The following COG2 variants were observed in gnomAD, a reference collection of about 807,000 sequenced individuals.
The protein encoded by COG2 is conserved oligomeric Golgi complex subunit 2.
COG2 carries 52 observed loss-of-function variants against 90.6 expected under a neutral mutation model. The ratio of observed to expected loss-of-function variants is 0.57; its 90% CI spans 0.46 to 0.72. The LOEUF is 0.72. Ranked by LOEUF, COG2 falls within the 30% of genes least tolerant of loss-of-function variation. The probability of loss-of-function intolerance (pLI) is 0.00; values close to 1 mark genes in which losing one functional copy is unlikely to be tolerated. For missense variants in COG2, 829 were observed against 891.2 expected (o/e 0.93, Z 0.89); for synonymous variants, 337 against 320.4 (o/e 1.05, Z -0.55).
At chr1:230,684,995 T>C in intron 11 of COG2, 90 bp from the exon 12 acceptor site, 1 of 1,460,424 alleles carries the variant, frequency 6.8e-7, no homozygotes, top group African/African-American at 1.4e-5. Flanking sequence ...TTCTTTACCT[T>C]TGAATCGTAC....
intron 1 of COG2, among the ~76,000 whole-genome samples, chr1:230,655,991 C>A (rs1363547808): frequency 6.6e-6 from 1 of 152,020 alleles, no homozygotes; most frequent in Non-Finnish European, 1.5e-5. Context: ...TCTTGCTTTT[C>A]TTCTTTATTA....
intron 7 of COG2, chr1:230,671,045 C>T (rs1662436254): frequency 6.6e-6 from 1 of 151,970 alleles, no homozygotes; most frequent in East Asian, 1.9e-4. Context: ...TTAAACTCAG[C>T]TTATCTTGTC....
chr1:230,671,536 T>C lies in COG2; in HGVS notation c.795T>C (p.Val265=). 1.2e-6 allele frequency: 2 copies of C among 1,613,264 alleles called. No homozygotes were observed. The highest frequency in any genetic ancestry group is 1.7e-4 in the Middle Eastern group (1 of 6,052). ...AATAGGTGATTATAGAGCAGTTTGT[T>C]GAATCTCATCCCAATGGCCTTCAGG... ...YIDEVIIEQF[V]ESHPNGLQVM... is the part of the protein sequence containing the mutation. The change falls in exon 8 of 18, where the codon GTT becomes GTC. Residue 265 remains valine, a synonymous_variant. Coordinates refer to ENST00000366669, the MANE Select transcript of COG2 (RefSeq NM_007357.3).
chr1:230,683,150 T>C (rs1481060048), intron 10 of COG2: 1 of 160,500 alleles, frequency 6.2e-6, no homozygotes, highest in African/African-American at 2.4e-5. Flanking sequence ...AGGTACAGAA[T>C]GCAGCTTTCT....
intron 5 of COG2, among the ~76,000 whole-genome samples, chr1:230,665,922 TC>T (rs1439393948): frequency 6.6e-6 from 1 of 152,186 alleles, no homozygotes; most frequent in African/African-American, 2.4e-5. Context: ...CCTACTCTGT[TC>T]CTTTGATGGA....
At chr1:230,693,017 A>AT (rs936607593) in intron 17 of COG2, among the ~76,000 whole-genome samples, 1 of 151,814 alleles carries the variant, frequency 6.6e-6, no homozygotes, top group Admixed American at 6.6e-5. Context: ...CTTTTCTAGA[A>AT]TGTTTTTAGG....
intron 9 of COG2, 61 bp downstream of exon 9, chr1:230,675,185 A>G: frequency 6.4e-7 from 1 of 1,557,516 alleles, no homozygotes; most frequent in Non-Finnish European, 8.7e-7. Flanking sequence ...GAGAAATATC[A>G]TGTTCTCTTC....
In COG2 at chr1:230,687,093, C is replaced by G. The variant is rs1662902700; in HGVS notation, c.1539C>G (p.Leu513=). The change falls in exon 13 of 18, where the codon CTC becomes CTG. Residue 513 remains leucine (L), a synonymous_variant. Transcript: ENST00000366669. ...TGGTTTCCATTTCCCGCACTCAGCT[C>G]GTGTATGTGGTTGCAGACCTGGACA... ...KPVVSISRTQ[L]VYVVADLDKL... is the part of the protein sequence containing the mutation. The G allele has an allele frequency of 6.2e-7, 1 of 1,613,106 alleles. No individual in the cohort carries two copies.
At chr1:230,690,220 C>T in intron 16 of COG2, 67 bp downstream of exon 16, 1 of 1,397,530 alleles carries the variant, frequency 7.2e-7, no homozygotes, top group Non-Finnish European at 1.0e-6. Context: ...ACCCCCAAGG[C>T]AATCAAGCAC....
At chr1:230,649,433 G>A (rs577820580) in intron 1 of COG2, among the ~76,000 whole-genome samples, 1 of 152,272 alleles carries the variant, frequency 6.6e-6, no homozygotes, top group South Asian at 2.1e-4. Context: ...TCCCATGGCT[G>A]TTGCCTTCAT....
In COG2 at chr1:230,690,099, A is replaced by T. The variant is rs773303423; in HGVS notation, c.1880A>T (p.Lys627Ile). 1 of 1,613,820 alleles carries T rather than the reference A, an allele frequency of 6.2e-7. No homozygotes were observed. The change falls in exon 16 of 18, where the codon AAA (lysine) becomes ATA (isoleucine). Residue 627 changes from lysine to isoleucine, a missense_variant. By Grantham distance (102) the Lys-to-Ile change is moderately radical. Coordinates refer to ENST00000366669, the MANE Select transcript of COG2 (RefSeq NM_007357.3). Reference protein sequence around the residue: ...QLQSGHKDKLKQAIIQQWLEG... With the variant: ...QLQSGHKDKLIQAIIQQWLEG... Reference sequence around the variant, plus strand: ...CAGAGCGGACACAAGGATAAGCTCAAACAAGCAATAATTCAGCAGTGGCTA... The same window carrying T: ...CAGAGCGGACACAAGGATAAGCTCATACAAGCAATAATTCAGCAGTGGCTA...
Position 230,659,473 on chromosome 1 carries a change from G to T in COG2, c.82G>T (p.Asp28Tyr). ...DKDEFMKEDFDVDHFVSDCRK... is the reference protein window; with the variant it reads ...DKDEFMKEDFYVDHFVSDCRK... Reference sequence around the variant, plus strand: ...TGGTTTTATTTTTCAGGAAGATTTCGATGTCGATCATTTTGTGTCTGACTG... The same window carrying T: ...TGGTTTTATTTTTCAGGAAGATTTCTATGTCGATCATTTTGTGTCTGACTG... Residue 28 changes from aspartate (D) to tyrosine (Y), a missense_variant, in exon 2 of 18, where the codon GAT becomes TAT. Physicochemically the swap from Asp to Tyr is radical, Grantham distance 160. Transcript: ENST00000366669. The T allele has an allele frequency of 1.9e-6, 3 of 1,613,092 alleles. No homozygotes were observed. Among genetic ancestry groups the T allele is most frequent in the South Asian group, 1.1e-5 (1 of 90,936 alleles).
At chr1:230,660,931 T>A (rs745491495) in intron 3 of COG2, 108 bp downstream of exon 3, 5 of 652,604 alleles carry the variant, frequency 7.7e-6, no homozygotes, top group Non-Finnish European at 1.2e-5. Flanking sequence ...TTTTTGTTTT[T>A]TGAATGTTTA....
At chr1:230,683,419 A>G in intron 10 of COG2, 155 bp from the exon 11 acceptor site, 1 of 562,680 alleles carries the variant, frequency 1.8e-6, no homozygotes, top group Non-Finnish European at 3.1e-6. Context: ...TAAAAAAAAA[A>G]AAAAAAAAAA....
intron 1 of COG2, among the ~76,000 whole-genome samples, chr1:230,658,191 C>A (rs1457283736): frequency 6.6e-6 from 1 of 152,096 alleles, no homozygotes. Flanking sequence ...TGGTTTCTCC[C>A]CATCTTTGTG....
At chr1:230,683,517 G>C in intron 10 of COG2, 57 bp from the exon 11 acceptor site, 1 of 1,327,050 alleles carries the variant, frequency 7.5e-7, no homozygotes. Context: ...AGAATGGATA[G>C]GGAAAGGCAT....
At chr1:230,650,824 T>G (rs1300053927) in intron 1 of COG2, among the ~76,000 whole-genome samples, 1 of 152,232 alleles carries the variant, frequency 6.6e-6, no homozygotes, top group Non-Finnish European at 1.5e-5. Flanking sequence ...TTTTATAGTT[T>G]CAGGTCTTAC....
intron 8 of COG2, among the ~76,000 whole-genome samples, chr1:230,673,018 G>A (rs1398080993): frequency 1.3e-5 from 2 of 152,118 alleles, no homozygotes; most frequent in East Asian, 3.9e-4. Context: ...TGTTTCCTCT[G>A]TACCACCTAA....
intron 1 of COG2, among the ~76,000 whole-genome samples, chr1:230,648,441 A>G (rs1233434521): frequency 6.6e-6 from 1 of 152,220 alleles, no homozygotes; most frequent in East Asian, 1.9e-4. Context: ...TAAAGAATAT[A>G]TTTGAGACTG....
Sources: allele counts gnomAD v4.1 joint callset (sites outside exome capture counted in the v4.1 genomes callset), GRCh38; gene constraint gnomAD v4.1.1; transcripts MANE v1.5; gene names NCBI Gene and HGNC (gene_info 2026-07-23, HGNC 2026-07-21).